N4BP2L2: variants seen among roughly 807,000 people sequenced by gnomAD.
N4BP2L2 encodes the protein NEDD4-binding protein 2-like 2.
A neutral mutation model predicts 56.2 loss-of-function variants in N4BP2L2; 50 were observed. The ratio of observed to expected loss-of-function variants is 0.89; its 90% CI spans 0.71 to 1.13. The LOEUF (loss-of-function observed/expected upper bound fraction) is 1.13, where lower values mean the gene tolerates loss of function less well. Ranked by LOEUF, N4BP2L2 falls within the 50% of genes most tolerant of loss-of-function variation. The probability of loss-of-function intolerance (pLI) is 0.00; values close to 1 mark genes in which losing one functional copy is unlikely to be tolerated. For missense variants in N4BP2L2, 689 were observed against 693.8 expected, an observed-to-expected ratio of 0.99 and a Z score of 0.08; for synonymous variants, 203 against 223.6, an observed-to-expected ratio of 0.91 and a Z score of 0.82.
chr13:32,508,698 T>A (rs947601795), downstream of N4BP2L2: 3 of 152,214 alleles, frequency 2.0e-5, no homozygotes, highest in Non-Finnish European at 4.4e-5. Context: ...CATGTAAAGA[T>A]ATCCATCAGT....
At chr13:32,453,790 G>A (rs935361217) in intron 6 of N4BP2L2, among the ~76,000 whole-genome samples, 1 of 152,204 alleles carries the variant, frequency 6.6e-6, no homozygotes, top group African/African-American at 2.4e-5. Flanking sequence ...TCAAAGAACT[G>A]TGGTTGTTTT....
chr13:32,511,525 A>G (rs936823635), exon 6 of N4BP2L2: 1 of 152,346 alleles, frequency 6.6e-6, no homozygotes, highest in East Asian at 1.9e-4. Flanking sequence ...AATGATTAAC[A>G]TAATAGATTT....
chr13:32,444,262 C>G (rs1275582180), intron 6 of N4BP2L2: 11 of 610,504 alleles, frequency 1.8e-5, no homozygotes, highest in South Asian at 1.1e-4. Flanking sequence ...CGTACTTTTT[C>G]TTTGTTTGTT....
intron 6 of N4BP2L2, among the ~76,000 whole-genome samples, chr13:32,492,103 C>T (rs2087240981): frequency 6.6e-6 from 1 of 152,014 alleles, no homozygotes. Context: ...TGAAAACTAT[C>T]AGAAAAGAAA....
At chr13:32,506,746 G>A (rs1053624110), downstream of N4BP2L2, 2 of 152,112 alleles carry the variant, frequency 1.3e-5, no homozygotes, top group Admixed American at 1.3e-4. Flanking sequence ...AAGGAATTGA[G>A]AGGTGGTTAT....
At chr13:32,475,641 G>A (rs1296023833) in intron 6 of N4BP2L2, among the ~76,000 whole-genome samples, 1 of 152,166 alleles carries the variant, frequency 6.6e-6, no homozygotes, top group African/African-American at 2.4e-5. Context: ...ACAAACAGAA[G>A]GGAAGATGGA....
intron 6 of N4BP2L2, among the ~76,000 whole-genome samples, chr13:32,495,051 C>T (rs9315167): frequency 0.28 from 42,965 of 151,864 alleles, 7,075 homozygotes; most frequent in Non-Finnish European, 0.37. Context: ...TTCTAGCTTC[C>T]AATTAGCTCC....
intron 6 of N4BP2L2, among the ~76,000 whole-genome samples, chr13:32,482,491 A>T (rs766909745): frequency 1.3e-5 from 2 of 151,418 alleles, no homozygotes; most frequent in Non-Finnish European, 2.9e-5. Context: ...CCTCCTAAGG[A>T]GCTGGGACTA....
intron 7 of N4BP2L2, among the ~76,000 whole-genome samples, chr13:32,439,525 T>C (rs2075946581): frequency 6.6e-6 from 1 of 152,114 alleles, no homozygotes; most frequent in Admixed American, 6.5e-5. Flanking sequence ...GCCGATTAAA[T>C]CTATGGACTT....
intron 9 of N4BP2L2, among the ~76,000 whole-genome samples, chr13:32,433,369 G>A (rs908853286): frequency 7.2e-5 from 11 of 152,236 alleles, no homozygotes; most frequent in Admixed American, 5.2e-4. Context: ...AATGGCTCAC[G>A]CCTGTAATCC....
At chr13:32,516,927 A>C in exon 6 of N4BP2L2, 1 of 983,648 alleles carries the variant, frequency 1.0e-6, no homozygotes, top group Non-Finnish European at 1.2e-6. Context: ...TTATATGAAG[A>C]AACACATCTA....
intron 6 of N4BP2L2, among the ~76,000 whole-genome samples, chr13:32,465,199 T>C (rs1462031320): frequency 6.6e-6 from 1 of 152,064 alleles, no homozygotes; most frequent in Non-Finnish European, 1.5e-5. Context: ...ACTCCTGACC[T>C]TGTGATCCAC....
At chr13:32,486,586 T>G (rs2085911776) in intron 6 of N4BP2L2, among the ~76,000 whole-genome samples, 1 of 151,650 alleles carries the variant, frequency 6.6e-6, no homozygotes, top group East Asian at 2.0e-4. Context: ...TGAGGAAAGA[T>G]AATCGCTTGA....
upstream of N4BP2L2, chr13:32,538,831 T>C (rs2057284305): frequency 1.0e-6 from 1 of 985,350 alleles, no homozygotes; most frequent in Middle Eastern, 5.2e-4. Flanking sequence ...AAACTAGGCG[T>C]TTGCGCCAGG....
At chr13:32,487,129 C>CCTG (rs1170463215) in intron 6 of N4BP2L2, among the ~76,000 whole-genome samples, 3 of 152,114 alleles carry the variant, frequency 2.0e-5, no homozygotes, top group Non-Finnish European at 4.4e-5. Context: ...GATTTCCAGA[C>CCTG]CTGCCTAGGT....
At chr13:32,519,435 T>C (rs1368306560) in intron 5 of N4BP2L2, among the ~76,000 whole-genome samples, 2 of 151,874 alleles carry the variant, frequency 1.3e-5, no homozygotes, top group Non-Finnish European at 2.9e-5. Context: ...GTGGGTGGAT[T>C]GCTTGAGGTC....
intron 2 of N4BP2L2, among the ~76,000 whole-genome samples, chr13:32,534,471 A>C (rs1181804919): frequency 6.6e-6 from 1 of 152,180 alleles, no homozygotes; most frequent in East Asian, 1.9e-4. Flanking sequence ...CTGATGGTAT[A>C]TCCCAAATCT....
intron 6 of N4BP2L2, among the ~76,000 whole-genome samples, chr13:32,477,006 C>T (rs1244108986): frequency 1.3e-5 from 2 of 152,144 alleles, no homozygotes; most frequent in African/African-American, 4.8e-5. Context: ...CTGCAACCCG[C>T]AGTCAACTAT....
intron 6 of N4BP2L2, among the ~76,000 whole-genome samples, chr13:32,473,064 T>C (rs2082621119): frequency 6.6e-6 from 1 of 152,116 alleles, no homozygotes; most frequent in Non-Finnish European, 1.5e-5. Context: ...GCAGATCACC[T>C]GAGGTCAGGA....
Sources: gnomAD v4.1 joint callset for allele counts (sites outside exome capture counted in the v4.1 genomes callset) on GRCh38, gnomAD v4.1.1 for gene constraint, MANE v1.5 for transcripts, NCBI Gene and HGNC (gene_info 2026-07-23, HGNC 2026-07-21) for gene names.